The following HUNK variants were observed in gnomAD, a reference collection of about 807,000 sequenced individuals.
HUNK encodes the protein hormonally up-regulated Neu-associated kinase.
HUNK carries 21 observed loss-of-function variants against 61.0 expected under a neutral mutation model. That is an observed-to-expected ratio of 0.34 (90% CI 0.24 to 0.50). HUNK has a LOEUF of 0.50. Among genes scored for constraint, HUNK ranks in the 20% least tolerant of loss-of-function variants. The pLI is 0.98. For synonymous variants in HUNK, 371 were observed against 386.1 expected, an observed-to-expected ratio of 0.96 and a Z score of 0.46; for missense variants, 772 against 945.7, an observed-to-expected ratio of 0.82 and a Z score of 2.41.
chr21:31,914,543 A>T (rs2123808970), intron 1 of HUNK, among the ~76,000 whole-genome samples: 1 of 151,828 alleles, frequency 6.6e-6, no homozygotes, highest in East Asian at 1.9e-4. Flanking sequence ...ATGGTCTATT[A>T]GCCTGCTCAG....
intron 1 of HUNK, among the ~76,000 whole-genome samples, chr21:31,884,452 C>T (rs1292063080): frequency 6.6e-6 from 1 of 151,836 alleles, no homozygotes; most frequent in African/African-American, 2.4e-5. Context: ...ATTAGCCAGG[C>T]GTGGTGGTGG....
rs1430912213 is a variant in HUNK, at chr21:32,001,886, T to A, written c.*2702T>A. The A allele has an allele frequency of 6.6e-6, 1 of 152,618 alleles. No homozygotes were observed. The highest frequency in any genetic ancestry group is 1.5e-5 in the Non-Finnish European group (1 of 68,042). 9.5% of individuals were successfully genotyped at this position (152,618 alleles called of 1,614,324 possible). A position where few individuals can be genotyped will look rare whatever the true frequency, so the allele number is the denominator to read the frequency against. ...GACTGGACTGTCATTGTGTGAAGTCTAGGAGGAAATGTCCATTTTAATTGT... is the reference window on the plus strand; with the variant it reads ...GACTGGACTGTCATTGTGTGAAGTCAAGGAGGAAATGTCCATTTTAATTGT... On this transcript the variant is annotated 3_prime_UTR_variant, in exon 11 of 11. Transcript: ENST00000270112.
At chr21:31,921,492 A>G (rs537451360) in intron 1 of HUNK, among the ~76,000 whole-genome samples, 2 of 152,192 alleles carry the variant, frequency 1.3e-5, no homozygotes, top group East Asian at 1.9e-4. Flanking sequence ...GATAGAATGC[A>G]TGTCCCAGGG....
chr21:31,982,279 C>T (rs535239640), intron 7 of HUNK, among the ~76,000 whole-genome samples: 1 of 152,292 alleles, frequency 6.6e-6, no homozygotes, highest in South Asian at 2.1e-4. Context: ...AATCATAGGG[C>T]ATACCTAGTC....
chr21:31,905,064 T>G (rs1327363006), intron 1 of HUNK, among the ~76,000 whole-genome samples: 4 of 115,378 alleles, frequency 3.5e-5, no homozygotes, highest in Non-Finnish European at 5.2e-5. Flanking sequence ...GGCAACAGAG[T>G]GAGACTGTGT....
chr21:31,932,750 C>T (rs1568928509), intron 2 of HUNK, among the ~76,000 whole-genome samples: 1 of 152,036 alleles, frequency 6.6e-6, no homozygotes, highest in Non-Finnish European at 1.5e-5. Flanking sequence ...ACCACTGTCT[C>T]TCTAGTGGCC....
Position 31,946,061 on chromosome 21 carries a change from G to T in HUNK, c.636G>T (p.Gly212=). ...LIDFGLSNCA[G]ILGYSDPFST... ...ACTTTGGTTTGAGCAACTGCGCAGG[G>T]ATCCTGGGTTACTCGGATCCGTTCA... The change falls in exon 4 of 11, where the codon GGG becomes GGT. Residue 212 remains glycine (G), a synonymous_variant. Coordinates refer to ENST00000270112, the MANE Select transcript of HUNK (RefSeq NM_014586.2). The T allele has an allele frequency of 1.2e-6, 2 of 1,609,686 alleles. No individual in the cohort carries two copies. The highest frequency in any genetic ancestry group is 8.5e-7 in the Non-Finnish European group (1 of 1,176,474).
chr21:31,998,319 C>T (rs1394447742), intron 10 of HUNK, among the ~76,000 whole-genome samples: 1 of 152,164 alleles, frequency 6.6e-6, no homozygotes, highest in African/African-American at 2.4e-5. Flanking sequence ...CTCTGTCCCT[C>T]CATCCTAGGA....
intron 2 of HUNK, among the ~76,000 whole-genome samples, chr21:31,927,912 A>T (rs558414167): frequency 2.6e-5 from 4 of 152,340 alleles, no homozygotes; most frequent in African/African-American, 9.6e-5. Context: ...ATTCTTAGTC[A>T]TGCATGTTGT....
chr21:31,946,019 T>G lies in HUNK; in HGVS notation c.611-17T>G, dbSNP rs773788877. On this transcript the variant is annotated splice_polypyrimidine_tract_variant and intron_variant, in intron 3 of 10. Transcript: ENST00000270112. ...GTTTTCTAATTCGGAGCTTGTTTTG[T>G]TCACCTCTCTTTGCAGACTTTGGTT... The G allele has an allele frequency of 2.5e-6, 4 of 1,570,266 alleles. No individual in the cohort carries two copies. The highest frequency in any genetic ancestry group is 1.4e-5 in the African/African-American group (1 of 73,988).
At chr21:31,954,928 G>T (rs1020829110) in intron 4 of HUNK, among the ~76,000 whole-genome samples, 4 of 152,026 alleles carry the variant, frequency 2.6e-5, no homozygotes. Flanking sequence ...ACTTACAGGC[G>T]CATGCCACCA....
At chr21:31,946,778 C>G (rs1020795776) in intron 4 of HUNK, among the ~76,000 whole-genome samples, 1 of 152,180 alleles carries the variant, frequency 6.6e-6, no homozygotes, top group African/African-American at 2.4e-5. Context: ...CCATGCCCAG[C>G]TAATTTTTGT....
At chr21:31,927,867 G>C (rs145386151) in intron 2 of HUNK, among the ~76,000 whole-genome samples, 1 of 152,188 alleles carries the variant, frequency 6.6e-6, no homozygotes, top group African/African-American at 2.4e-5. Flanking sequence ...AATCATTTCC[G>C]CCTCACCAAG....
chr21:31,963,046 C>G (rs966613523), intron 5 of HUNK, among the ~76,000 whole-genome samples: 3 of 152,188 alleles, frequency 2.0e-5, no homozygotes, highest in African/African-American at 7.2e-5. Context: ...CTTCTGACAG[C>G]CTCCCATTTT....
chr21:31,976,069 C>T (rs2053047079), intron 7 of HUNK, among the ~76,000 whole-genome samples: 1 of 152,006 alleles, frequency 6.6e-6, no homozygotes, highest in South Asian at 2.1e-4. Flanking sequence ...TTGTGAACCA[C>T]CAAAGGAAAG....
chr21:31,895,789 G>A (rs947778051), intron 1 of HUNK, among the ~76,000 whole-genome samples: 4 of 152,132 alleles, frequency 2.6e-5, no homozygotes, highest in African/African-American at 7.2e-5. Flanking sequence ...CCTGGTAGAG[G>A]GTCAGTGTGA....
intron 4 of HUNK, among the ~76,000 whole-genome samples, chr21:31,947,292 G>A (rs189933209): frequency 0.016 from 1,939 of 122,958 alleles, 33 homozygotes; most frequent in African/African-American, 0.038. Flanking sequence ...CCGGGCTCAA[G>A]CCAGTGGCGC....
intron 1 of HUNK, among the ~76,000 whole-genome samples, chr21:31,902,702 G>A (rs1182151916): frequency 6.6e-6 from 1 of 152,114 alleles, no homozygotes; most frequent in African/African-American, 2.4e-5. Context: ...GAGAAATGGC[G>A]ATTGTCCAAA....
rs115741711 is a variant in HUNK at position 31,986,203 on chromosome 21, C to T, written c.1257+2594C>T. ...CACGCTCTGAACCAGACTCTCCCCCCGCCGCCCTCCGCCCTCCACCACAGT... is the reference window on the plus strand; with the variant it reads ...CACGCTCTGAACCAGACTCTCCCCCTGCCGCCCTCCGCCCTCCACCACAGT... On this transcript the variant is annotated intron_variant, in intron 8 of 10. Transcript: ENST00000270112. Among the ~76,000 whole-genome samples, 550 of 152,150 alleles carry T rather than the reference C, an allele frequency of 3.6e-3. 7 individuals carry two copies. The highest frequency in any genetic ancestry group is 0.012 in the African/African-American group (509 of 41,498).
Sources: allele counts gnomAD v4.1 joint callset (sites outside exome capture counted in the v4.1 genomes callset), GRCh38; gene constraint gnomAD v4.1.1; transcripts MANE v1.5; gene names NCBI Gene and HGNC (gene_info 2026-07-23, HGNC 2026-07-21).